SH3BP4: variants seen among roughly 807,000 people sequenced by gnomAD.
SH3BP4 encodes the protein SH3 domain-binding protein 4.
A neutral mutation model predicts 65.5 loss-of-function variants in SH3BP4; 33 were observed. That is an observed-to-expected ratio of 0.50 (90% CI 0.38 to 0.67). SH3BP4 has a LOEUF of 0.67. Ranked by LOEUF, SH3BP4 falls within the 30% of genes least tolerant of loss-of-function variation. SH3BP4 has a pLI of 0.00. For synonymous variants in SH3BP4, 552 were observed against 545.5 expected, an observed-to-expected ratio of 1.01 and a Z score of -0.17; for missense variants, 1,134 against 1,261.4, an observed-to-expected ratio of 0.90 and a Z score of 1.53.
At position 235,045,106 on chromosome 2, in the gene SH3BP4, G is replaced by T. The variant is rs1046255139; in HGVS notation, c.2478+1859G>T. On this transcript the variant is annotated intron_variant, in intron 4 of 5. Coordinates refer to ENST00000392011, the MANE Select transcript of SH3BP4 (RefSeq NM_014521.3). The surrounding 1 kb of genome is among the most constrained non-coding windows in gnomAD (Gnocchi z 4.3). ...ACACCTCCTGGCTCTCCAGAACCTG[G>T]TGCCGGGCCGTGGCCTGGTCTCCTC... 6.6e-6 allele frequency among the ~76,000 whole-genome samples: 1 copy of T among 152,302 alleles called. No individual in the cohort carries two copies. Among genetic ancestry groups the T allele is most frequent in the African/African-American group, 2.4e-5 (1 of 41,566 alleles).
rs538825898 is a variant in SH3BP4 at position 235,045,672 on chromosome 2, G to A, written c.2478+2425G>A. Among the ~76,000 whole-genome samples the A allele has an allele frequency of 2.8e-5, 4 of 143,654 alleles. No individual in the cohort carries two copies. Among genetic ancestry groups the A allele is most frequent in the Non-Finnish European group, 6.1e-5 (4 of 65,406 alleles). The allele number at this position is 143,654 out of a possible 152,430, so 94.2% of individuals were successfully genotyped here. On this transcript the variant is annotated intron_variant, in intron 4 of 5. Transcript: ENST00000392011. This position sits in a 1 kb window ranked among gnomAD's most constrained non-coding sequence, Gnocchi z 4.3. ...GGCCAAACTTATAGAAACCACAGAC[G>A]GATTTCTCCCAGGTCGTTTATTAGG...
chr2:235,053,945 G>C lies in SH3BP4; in HGVS notation c.*129G>C. On this transcript the variant is annotated 3_prime_UTR_variant, in exon 6 of 6. Transcript: ENST00000392011. ...AGACAGATTTAGGGCCCGCCAGCTAGGCTACACCCATCATGCGCCGCCCTC... is the reference window on the plus strand; with the variant it reads ...AGACAGATTTAGGGCCCGCCAGCTACGCTACACCCATCATGCGCCGCCCTC... 1 of 699,486 alleles carries C rather than the reference G, an allele frequency of 1.4e-6. No individual in the cohort carries two copies. Among genetic ancestry groups the C allele is most frequent in the South Asian group, 1.8e-5 (1 of 56,302 alleles). The allele number at this position is 699,486 out of a possible 1,614,324, so 43.3% of individuals were successfully genotyped here.
chr2:235,024,768 G>A (rs575371706), intron 2 of SH3BP4, among the ~76,000 whole-genome samples: 2 of 152,220 alleles, frequency 1.3e-5, no homozygotes, highest in South Asian at 2.1e-4. Flanking sequence ...TGTAAAAAGC[G>A]GGTTGATTGA....
At chr2:235,038,533 T>TA (rs1695533898) in intron 3 of SH3BP4, among the ~76,000 whole-genome samples, 1 of 149,300 alleles carries the variant, frequency 6.7e-6, no homozygotes, top group South Asian at 2.1e-4. Flanking sequence ...ATATTACAGA[T>TA]ATATAATTTC....
At chr2:235,038,067 G>A (rs1194318052) in intron 3 of SH3BP4, among the ~76,000 whole-genome samples, 1 of 150,222 alleles carries the variant, frequency 6.7e-6, no homozygotes, top group Non-Finnish European at 1.5e-5. Context: ...GCCAGGCCTT[G>A]TACGAGGCCC....
At chr2:234,996,255 G>A (rs546369629) in intron 2 of SH3BP4, among the ~76,000 whole-genome samples, 29 of 152,312 alleles carry the variant, frequency 1.9e-4, no homozygotes, top group African/African-American at 6.5e-4. Context: ...TCTGGGCCAC[G>A]TTGGAATTTT....
intron 1 of SH3BP4, among the ~76,000 whole-genome samples, chr2:234,986,529 C>A (rs1388097765): frequency 6.6e-6 from 1 of 152,198 alleles, no homozygotes; most frequent in African/African-American, 2.4e-5. Flanking sequence ...CCTCACTTGT[C>A]CACGTCCTGT....
intron 4 of SH3BP4, among the ~76,000 whole-genome samples, chr2:235,047,570 G>A (rs185047080): frequency 9.7e-4 from 148 of 152,296 alleles, no homozygotes; most frequent in Non-Finnish European, 1.4e-3. Context: ...CCCAATTCTC[G>A]GGATACTGTC....
intron 1 of SH3BP4, among the ~76,000 whole-genome samples, chr2:234,960,336 A>G (rs1692678046): frequency 6.6e-6 from 1 of 152,184 alleles, no homozygotes; most frequent in Non-Finnish European, 1.5e-5. Context: ...GGTTTGAGGA[A>G]TCGATATTTC....
chr2:234,989,294 C>G (rs1693678126), intron 1 of SH3BP4, among the ~76,000 whole-genome samples: 1 of 152,182 alleles, frequency 6.6e-6, no homozygotes, highest in Admixed American at 6.5e-5. Context: ...TGCCTCCCCT[C>G]TTTTTGAGGT....
At chr2:235,038,367 A>ATATATTT (rs1695503749) in intron 3 of SH3BP4, among the ~76,000 whole-genome samples, 3 of 9,304 alleles carry the variant, frequency 3.2e-4, no homozygotes, top group African/African-American at 3.0e-3. Flanking sequence ...TATATATATA[A>ATATATTT]TATATATACA....
At chr2:234,958,692 G>T (rs954852729) in intron 1 of SH3BP4, among the ~76,000 whole-genome samples, 6 of 151,958 alleles carry the variant, frequency 3.9e-5, no homozygotes, top group Admixed American at 3.9e-4. Context: ...AGAAAGATGG[G>T]GGTAGGGGGA....
At chr2:234,970,197 C>A (rs1335540374) in intron 1 of SH3BP4, among the ~76,000 whole-genome samples, 1 of 152,150 alleles carries the variant, frequency 6.6e-6, no homozygotes, top group African/African-American at 2.4e-5. Context: ...TAGTTGTAGC[C>A]GTATTGGTCA....
chr2:235,034,496 C>T lies in SH3BP4; in HGVS notation c.-132-375C>T, dbSNP rs888200238. 2.6e-5 allele frequency among the ~76,000 whole-genome samples: 4 copies of T among 152,144 alleles called. No homozygotes were observed. The highest frequency in any genetic ancestry group is 9.7e-5 in the African/African-American group (4 of 41,442). The stretch of plus-strand genomic sequence containing the variant: ...CAAGCAGAGGCCGATTTTTCCTTTT[C>T]CGAGCCCTGCAGCTAGCAGCATGAA... On this transcript the variant is annotated intron_variant, in intron 2 of 5. Coordinates refer to ENST00000392011, the MANE Select transcript of SH3BP4 (RefSeq NM_014521.3). This position sits in a 1 kb window ranked among gnomAD's most constrained non-coding sequence, Gnocchi z 6.2.
Position 234,997,850 on chromosome 2 carries a change from C to T in SH3BP4, c.-133+2474C>T, listed in dbSNP as rs1356625095. Among the ~76,000 whole-genome samples, 2 of 152,118 alleles carry T rather than the reference C, an allele frequency of 1.3e-5. No homozygotes were observed. The highest frequency in any genetic ancestry group is 6.5e-5 in the Admixed American group (1 of 15,278). On this transcript the variant is annotated intron_variant, in intron 2 of 5. Transcript: ENST00000392011. The surrounding 1 kb of genome is among the most constrained non-coding windows in gnomAD (Gnocchi z 4.2). The stretch of plus-strand genomic sequence containing the variant: ...TTAAGAAGAATCAGAAGACTGGGTG[C>T]GGTGGCTCATGCCTGTAATCCCAGC...
At chr2:234,998,428 C>T (rs144349517) in intron 2 of SH3BP4, among the ~76,000 whole-genome samples, 17 of 152,372 alleles carry the variant, frequency 1.1e-4, no homozygotes, top group Non-Finnish European at 1.9e-4. Flanking sequence ...CTTCGCAGGG[C>T]GACTGGCCAC....
At chr2:235,013,972 T>C (rs1244260512) in intron 2 of SH3BP4, among the ~76,000 whole-genome samples, 10 of 152,184 alleles carry the variant, frequency 6.6e-5, no homozygotes, top group African/African-American at 2.4e-4. Flanking sequence ...CTATCTACCA[T>C]ATATAAACAA....
rs185719055 is a variant in SH3BP4, at chr2:235,017,746, G to A, written c.-132-17125G>A. On this transcript the variant is annotated intron_variant, in intron 2 of 5. Transcript: ENST00000392011. ...CCCCCTCCCCTGCTTTTTCATATGG[G>A]TGTAGTGTTATCAGCATTAAAATCC... Among the ~76,000 whole-genome samples the A allele has an allele frequency of 2.5e-3, 383 of 152,280 alleles. 2 individuals carry two copies. The highest frequency in any genetic ancestry group is 0.014 in the Middle Eastern group (4 of 294).
intron 2 of SH3BP4, chr2:234,996,028 AC>A (rs1002116299): frequency 6.6e-6 from 1 of 151,922 alleles, no homozygotes; most frequent in African/African-American, 2.4e-5. Flanking sequence ...TGGCTTTTAT[AC>A]TCCTGGTTGG....
Sources: gnomAD v4.1 joint callset for allele counts (sites outside exome capture counted in the v4.1 genomes callset) on GRCh38, gnomAD v4.1.1 for gene constraint, Gnocchi (gnomAD v3.1) non-coding constraint, MANE v1.5 for transcripts, NCBI Gene and HGNC (gene_info 2026-07-23, HGNC 2026-07-21) for gene names.